The following MAMDC2 variants were observed in gnomAD, a reference collection of about 807,000 sequenced individuals.
The protein encoded by MAMDC2 is MAM domain containing 2, also known as MAM domain-containing protein 2.
Under a neutral mutation model 89.8 loss-of-function variants are expected in MAMDC2, and 57 were observed. That is an observed-to-expected ratio of 0.63 (90% CI 0.51 to 0.79). MAMDC2 has a LOEUF of 0.79. MAMDC2 is among the 30% of genes least tolerant of loss of function. MAMDC2 has a pLI of 0.00. For missense variants in MAMDC2, 800 were observed against 820.6 expected (o/e 0.97, Z 0.31); for synonymous variants, 313 against 293.4 (o/e 1.07, Z -0.68).
chr9:70,207,421 T>A (rs1820876187), intron 11 of MAMDC2, among the ~76,000 whole-genome samples: 1 of 152,258 alleles, frequency 6.6e-6, no homozygotes, highest in Admixed American at 6.5e-5. Flanking sequence ...ACTGCATAAA[T>A]GTCTTCTTTT....
intron 2 of MAMDC2, among the ~76,000 whole-genome samples, chr9:70,091,537 T>C (rs963757577): frequency 1.3e-5 from 2 of 152,220 alleles, no homozygotes; most frequent in Non-Finnish European, 2.9e-5. Context: ...ATAATTTTTT[T>C]AGTATAAGTA....
At chr9:70,169,433 AT>A (rs2032266626) in intron 10 of MAMDC2, among the ~76,000 whole-genome samples, 1 of 152,190 alleles carries the variant, frequency 6.6e-6, no homozygotes, top group South Asian at 2.1e-4. Flanking sequence ...ACACAGGCAA[AT>A]CGTGGTATCA....
intron 2 of MAMDC2, among the ~76,000 whole-genome samples, chr9:70,048,417 A>G (rs116321996): frequency 0.021 from 3,261 of 152,068 alleles, 102 homozygotes; most frequent in African/African-American, 0.075. Flanking sequence ...TGGGGCATGC[A>G]CCTGTAGTAC....
At position 70,143,603 on chromosome 9, in the gene MAMDC2, T is replaced by G; in HGVS notation, c.1188T>G (p.Ile396Met). Reference protein sequence around the residue: ...NTKFTSQPGYIGRLYGPSLPG... With the variant: ...NTKFTSQPGYMGRLYGPSLPG... ...AGTTCACATCTCAGCCTGGCTACAT[T>G]GGAAGGCTCTATGGGCCCTCCCTAC... is the stretch of plus-strand genomic sequence containing the variant. The change falls in exon 9 of 14, where the codon ATT (isoleucine) becomes ATG (methionine). Residue 396 changes from isoleucine to methionine, a missense_variant. Coordinates refer to ENST00000377182, the MANE Select transcript of MAMDC2 (RefSeq NM_153267.5). The G allele has an allele frequency of 6.2e-7, 1 of 1,614,152 alleles. No individual in the cohort carries two copies. The highest frequency in any genetic ancestry group is 8.5e-7 in the Non-Finnish European group (1 of 1,179,972).
rs567575440 is a variant in MAMDC2 at position 70,209,106 on chromosome 9, C to T, written c.1652-9231C>T. 1.2e-4 allele frequency among the ~76,000 whole-genome samples: 18 copies of T among 152,220 alleles called. No individual in the cohort carries two copies. In the South Asian group the frequency reaches 3.7e-3, roughly 32 times the overall value. On this transcript the variant is annotated intron_variant, in intron 11 of 13. Transcript: ENST00000377182. ...TCTAAAATTTGCTTTTTTGTTGCGT[C>T]TCTGCCAGGCTTTGGTATCAGGATG...
intron 2 of MAMDC2, chr9:70,092,832 A>G (rs1370818374): frequency 6.6e-6 from 1 of 152,170 alleles, no homozygotes; most frequent in Non-Finnish European, 1.5e-5. Flanking sequence ...CATGAGGTTT[A>G]CCTTCATTTA....
chr9:70,117,364 T>C (rs1441894581), intron 5 of MAMDC2, among the ~76,000 whole-genome samples: 1 of 152,012 alleles, frequency 6.6e-6, no homozygotes, highest in East Asian at 1.9e-4. Context: ...CTCAGCAAAC[T>C]AACACAGGAA....
intron 11 of MAMDC2, among the ~76,000 whole-genome samples, chr9:70,209,191 T>C (rs2033297568): frequency 6.6e-6 from 1 of 152,220 alleles, no homozygotes; most frequent in Admixed American, 6.5e-5. Context: ...ATTCGAATAG[T>C]TTCAGAAGGA....
At chr9:70,174,448 T>C (rs1390656416) in intron 11 of MAMDC2, among the ~76,000 whole-genome samples, 2 of 152,170 alleles carry the variant, frequency 1.3e-5, no homozygotes, top group Non-Finnish European at 2.9e-5. Flanking sequence ...TTAACTAATG[T>C]AAATAGAAGA....
intron 9 of MAMDC2, among the ~76,000 whole-genome samples, chr9:70,159,939 C>T (rs547573965): frequency 1.3e-5 from 2 of 152,032 alleles, no homozygotes; most frequent in African/African-American, 4.8e-5. Context: ...TGGCTGGGCA[C>T]GGTGACTCAC....
Position 70,044,102 on chromosome 9 carries a change from G to A in MAMDC2, c.-96G>A. 2 of 1,464,508 alleles carry A rather than the reference G, an allele frequency of 1.4e-6. No individual in the cohort carries two copies. The highest frequency in any genetic ancestry group is 1.4e-5 in the African/African-American group (1 of 72,060). The allele number at this position is 1,464,508 out of a possible 1,614,324, so 90.7% of individuals were successfully genotyped here. A position where few individuals can be genotyped will look rare whatever the true frequency, so the allele number is the denominator to read the frequency against. On this transcript the variant is annotated 5_prime_UTR_variant, in exon 1 of 14. Coordinates refer to ENST00000377182, the MANE Select transcript of MAMDC2 (RefSeq NM_153267.5). ...ACTTCTCCCTCCTTGGGTCCCCGGC[G>A]CCCCCGCCTCCCACGATCCCTTTCA...
chr9:70,118,365 TC>T lies in MAMDC2; in HGVS notation c.643+5235del, dbSNP rs559513008. ...ACACACACAGTCCTCATGCCTGGAG[TC>T]CTCTGTAAGTCTTTCCCCTATAGAG... On this transcript the variant is annotated intron_variant, in intron 5 of 13. Coordinates refer to ENST00000377182, the MANE Select transcript of MAMDC2 (RefSeq NM_153267.5). 9.6e-5 allele frequency among the ~76,000 whole-genome samples: 13 copies of T among 135,728 alleles called. No individual in the cohort carries two copies. In the South Asian group the frequency reaches 3.1e-3, roughly 32 times the overall value. 89.0% of individuals were successfully genotyped at this position (135,728 alleles called of 152,430 possible). A position where few individuals can be genotyped will look rare whatever the true frequency, so the allele number is the denominator to read the frequency against.
At chr9:70,049,104 G>A (rs1205412042) in intron 2 of MAMDC2, among the ~76,000 whole-genome samples, 2 of 152,074 alleles carry the variant, frequency 1.3e-5, no homozygotes, top group Non-Finnish European at 2.9e-5. Flanking sequence ...AGGAGTCAGG[G>A]TTTGAGAAAT....
chr9:70,121,323 C>A (rs1367854568), intron 5 of MAMDC2, among the ~76,000 whole-genome samples: 1 of 152,238 alleles, frequency 6.6e-6, no homozygotes, highest in Non-Finnish European at 1.5e-5. Context: ...TACACCAGCA[C>A]TGCAGGCTCC....
intron 9 of MAMDC2, among the ~76,000 whole-genome samples, chr9:70,163,772 G>A (rs141215546): frequency 2.1e-3 from 317 of 151,684 alleles, no homozygotes; most frequent in Non-Finnish European, 3.7e-3. Flanking sequence ...TGGGCAACAA[G>A]GTGAAACCCT....
chr9:70,113,036 C>T lies in MAMDC2; in HGVS notation c.547C>T (p.Arg183Cys), dbSNP rs140465194. ...AAATCATCTCTGTGGCTTTGTGAACCGCTGGAATCCCAATGTGAACTGGTT... is the reference window on the plus strand; with the variant it reads ...AAATCATCTCTGTGGCTTTGTGAACTGCTGGAATCCCAATGTGAACTGGTT... ...EENHLCGFVN[R>C]WNPNVNWFVG... Residue 183 changes from arginine to cysteine, a missense_variant, in exon 5 of 14, where the codon CGC becomes TGC. Coordinates refer to ENST00000377182, the MANE Select transcript of MAMDC2 (RefSeq NM_153267.5). The T allele has an allele frequency of 1.8e-4, 287 of 1,613,982 alleles. No homozygotes were observed. Among genetic ancestry groups the T allele is most frequent in the Non-Finnish European group, 2.3e-4 (267 of 1,179,986 alleles).
At chr9:70,091,607 G>C (rs114547266) in intron 2 of MAMDC2, among the ~76,000 whole-genome samples, 2 of 152,134 alleles carry the variant, frequency 1.3e-5, no homozygotes, top group African/African-American at 2.4e-5. Flanking sequence ...TTGGCAATCC[G>C]AATCGGATCC....
chr9:70,120,563 C>A (rs577585322), intron 5 of MAMDC2, among the ~76,000 whole-genome samples: 9 of 152,332 alleles, frequency 5.9e-5, no homozygotes, highest in African/African-American at 2.2e-4. Flanking sequence ...TGATTCATCT[C>A]GAGCCTTCTC....
intron 11 of MAMDC2, among the ~76,000 whole-genome samples, chr9:70,200,576 C>G (rs1159252669): frequency 3.3e-5 from 5 of 149,812 alleles, no homozygotes; most frequent in African/African-American, 1.2e-4. Context: ...TAGTTTTTTC[C>G]AATTCTGTGA....
Sources: allele counts gnomAD v4.1 joint callset (sites outside exome capture counted in the v4.1 genomes callset), GRCh38; gene constraint gnomAD v4.1.1; transcripts MANE v1.5; gene names NCBI Gene and HGNC (gene_info 2026-07-23, HGNC 2026-07-21).